Variants in PLPPR1 observed in about 807,000 individuals in gnomAD.
PLPPR1 encodes the protein phospholipid phosphatase related 1.
In PLPPR1, 10 loss-of-function variants were observed where a neutral mutation model predicts 33.1. The ratio of observed to expected loss-of-function variants is 0.30; its 90% CI spans 0.19 to 0.51. The LOEUF is 0.51. PLPPR1 is among the 20% of genes least tolerant of loss of function. PLPPR1 has a pLI of 0.97. For missense variants in PLPPR1, 304 were observed against 408.1 expected, an observed-to-expected ratio of 0.74 and a Z score of 2.20; for synonymous variants, 151 against 151.0, an observed-to-expected ratio of 1.00 and a Z score of 0.00.
chr9:101,158,046 AC>A (rs1363937823), intron 1 of PLPPR1, among the ~76,000 whole-genome samples: 1 of 152,082 alleles, frequency 6.6e-6, no homozygotes, highest in Admixed American at 6.6e-5. Context: ...AAATAAAAAA[AC>A]AAGCTTAAGG....
intron 1 of PLPPR1, among the ~76,000 whole-genome samples, chr9:101,070,724 C>T (rs989145615): frequency 6.6e-6 from 1 of 152,050 alleles, no homozygotes; most frequent in African/African-American, 2.4e-5. Flanking sequence ...ATTTTTTCCC[C>T]TCAACATTTG....
intron 2 of PLPPR1, among the ~76,000 whole-genome samples, chr9:101,217,615 G>A (rs760064572): frequency 2.0e-5 from 3 of 152,144 alleles, no homozygotes; most frequent in Non-Finnish European, 4.4e-5. Flanking sequence ...GTATGCAAAA[G>A]CAGCCATACA....
chr9:101,309,116 G>A, intron 4 of PLPPR1, 95 bp from the exon 5 acceptor site: 1 of 1,259,144 alleles, frequency 7.9e-7, no homozygotes, highest in Non-Finnish European at 1.1e-6. Flanking sequence ...CATTTTGATA[G>A]GTCATCATGG....
intron 1 of PLPPR1, among the ~76,000 whole-genome samples, chr9:101,162,535 A>G (rs993193192): frequency 4.6e-5 from 7 of 152,252 alleles, no homozygotes; most frequent in Non-Finnish European, 5.9e-5. Flanking sequence ...CCAACAGCAT[A>G]TGTACACATT....
At chr9:101,196,427 T>C (rs980067561) in intron 2 of PLPPR1, among the ~76,000 whole-genome samples, 1 of 152,180 alleles carries the variant, frequency 6.6e-6, no homozygotes, top group African/African-American at 2.4e-5. Flanking sequence ...TAATCATGAA[T>C]ATGACAGATT....
At chr9:101,306,953 T>C (rs550245908) in intron 4 of PLPPR1, among the ~76,000 whole-genome samples, 8 of 152,346 alleles carry the variant, frequency 5.3e-5, no homozygotes, top group African/African-American at 1.9e-4. Context: ...GGAAAAGCCC[T>C]GTATGATCTG....
chr9:101,251,809 A>T (rs745708046), intron 2 of PLPPR1, among the ~76,000 whole-genome samples: 2 of 152,082 alleles, frequency 1.3e-5, no homozygotes, highest in Non-Finnish European at 2.9e-5. Context: ...ATATAGAAGG[A>T]TGGTTGGTCA....
At chr9:101,182,394 G>C (rs1040627060) in intron 1 of PLPPR1, among the ~76,000 whole-genome samples, 48 of 151,640 alleles carry the variant, frequency 3.2e-4, no homozygotes, top group Non-Finnish European at 1.8e-4. Context: ...AAATGTTTTG[G>C]TAGTAAAAAT....
At chr9:101,087,494 G>A (rs547122756) in intron 1 of PLPPR1, among the ~76,000 whole-genome samples, 16 of 152,262 alleles carry the variant, frequency 1.1e-4, no homozygotes, top group South Asian at 6.2e-4. Flanking sequence ...CCAAAGAAAC[G>A]TTTATAAAAT....
intron 1 of PLPPR1, among the ~76,000 whole-genome samples, chr9:101,158,456 C>CA (rs1417531288): frequency 6.6e-6 from 1 of 151,814 alleles, no homozygotes; most frequent in Non-Finnish European, 1.5e-5. Context: ...TGCCATGAGA[C>CA]AAAAAAGCAG....
chr9:101,054,638 G>C (rs1161781193), intron 1 of PLPPR1, among the ~76,000 whole-genome samples: 1 of 152,190 alleles, frequency 6.6e-6, no homozygotes, highest in African/African-American at 2.4e-5. Context: ...TGATCCCTGA[G>C]GTTATTGAAA....
chr9:101,276,897 T>C (rs928256634), intron 3 of PLPPR1, among the ~76,000 whole-genome samples: 4 of 152,218 alleles, frequency 2.6e-5, no homozygotes, highest in Admixed American at 2.6e-4. Flanking sequence ...CCTTGAGCTT[T>C]GAAACGCATA....
At chr9:101,286,329 A>C in intron 4 of PLPPR1, 93 bp downstream of exon 4, 1 of 1,242,298 alleles carries the variant, frequency 8.0e-7, no homozygotes, top group Non-Finnish European at 1.1e-6. Context: ...AAGTATCAAC[A>C]TTAAAAGCAA....
At chr9:101,257,651 C>G (rs114923826) in intron 2 of PLPPR1, among the ~76,000 whole-genome samples, 2 of 152,048 alleles carry the variant, frequency 1.3e-5, no homozygotes, top group African/African-American at 4.8e-5. Context: ...CTTTATAATT[C>G]GACAACTAGT....
intron 1 of PLPPR1, among the ~76,000 whole-genome samples, chr9:101,040,560 C>T (rs1237668896): frequency 3.3e-5 from 5 of 152,100 alleles, no homozygotes; most frequent in Non-Finnish European, 5.9e-5. Context: ...AGGGTCTTTG[C>T]GTTTGCTGTT....
intron 2 of PLPPR1, among the ~76,000 whole-genome samples, chr9:101,263,086 C>T (rs1027788889): frequency 5.9e-5 from 9 of 152,000 alleles, no homozygotes; most frequent in African/African-American, 9.7e-5. Context: ...CAAACCACCA[C>T]GGCACATGTA....
rs543557375 is a variant in PLPPR1, at chr9:101,044,117, G to A, written c.-46+15015G>A. ...GAAAATCTTCACAATCCATACATCC[G>A]TCAAAGGACTAATATCCAGAATCTA... On this transcript the variant is annotated intron_variant, in intron 1 of 7. Transcript: ENST00000374874. Among the ~76,000 whole-genome samples the A allele has an allele frequency of 1.9e-4, 29 of 152,242 alleles. 1 individual carries two copies. The South Asian group carries it at 5.8e-3, about 30-fold the overall frequency.
At position 101,291,502 on chromosome 9, in the gene PLPPR1, A is replaced by T. The variant is rs1375413239; in HGVS notation, c.385+5266A>T. Among the ~76,000 whole-genome samples the T allele has an allele frequency of 4.6e-5, 7 of 151,872 alleles. No homozygotes were observed. The South Asian group carries it at 1.5e-3, about 32-fold the overall frequency. On this transcript the variant is annotated intron_variant, in intron 4 of 7. Coordinates refer to ENST00000374874, the MANE Select transcript of PLPPR1 (RefSeq NM_207299.2). ...GACTGCCTCCTCAAGTGGGTCCCTG[A>T]CCCCTGACCCCCGAGCAGCCTAACT...
intron 2 of PLPPR1, among the ~76,000 whole-genome samples, chr9:101,215,989 C>A (rs559311818): frequency 6.6e-6 from 1 of 152,162 alleles, no homozygotes; most frequent in South Asian, 2.1e-4. Context: ...GATTTCTTTC[C>A]TTTTTGATAT....
Sources: gnomAD v4.1 joint callset for allele counts (sites outside exome capture counted in the v4.1 genomes callset) on GRCh38, gnomAD v4.1.1 for gene constraint, MANE v1.5 for transcripts, NCBI Gene and HGNC (gene_info 2026-07-23, HGNC 2026-07-21) for gene names.